Variants in CCDC92B observed in about 807,000 individuals in gnomAD.
The protein encoded by CCDC92B is coiled-coil domain containing 92B.
CCDC92B carries 2 observed loss-of-function variants against 5.6 expected under a neutral mutation model. The ratio of observed to expected loss-of-function variants is 0.36; its 90% CI spans 0.15 to 1.12. The LOEUF (loss-of-function observed/expected upper bound fraction) is 1.12. Among genes scored for constraint, CCDC92B ranks in the 50% most tolerant of loss-of-function variants. The pLI is 0.40. For missense variants in CCDC92B, 271 were observed against 262.2 expected (o/e 1.03, Z -0.23); for synonymous variants, 115 against 122.3 (o/e 0.94, Z 0.39).
intron 1 of CCDC92B, among the ~76,000 whole-genome samples, chr17:2,742,147 T>C (rs1455817556): frequency 6.6e-6 from 1 of 151,458 alleles, no homozygotes; most frequent in Admixed American, 6.6e-5. Context: ...TGATGGCTCA[T>C]TGCAGCCTCC....
chr17:2,731,527 C>T (rs752614352), intron 2 of CCDC92B, among the ~76,000 whole-genome samples: 2 of 152,178 alleles, frequency 1.3e-5, no homozygotes, highest in African/African-American at 2.4e-5. Flanking sequence ...ATCTCTGGGA[C>T]CACCACCCAG....
chr17:2,748,551 A>G, intron 1 of CCDC92B: 2 of 981,670 alleles, frequency 2.0e-6, no homozygotes, highest in East Asian at 2.3e-4. Flanking sequence ...CATGTGCCTG[A>G]ATGCACCTGG....
In CCDC92B at chr17:2,746,557, C is replaced by T. The variant is rs912290570; in HGVS notation, c.-24+2854G>A. Among the ~76,000 whole-genome samples, 8 of 152,156 alleles carry T rather than the reference C, an allele frequency of 5.3e-5. No individual in the cohort carries two copies. In the South Asian group the frequency reaches 1.7e-3, roughly 32 times the overall value. ...GTTGGGACTCTCTGAGGTCCGGGCT[C>T]CTGATCCCTGAAAATGACCTCTCTT... On this transcript the variant is annotated intron_variant, in intron 1 of 3. Coordinates refer to ENST00000614400, the MANE Select transcript of CCDC92B (RefSeq NM_001355573.2).
intron 3 of CCDC92B, among the ~76,000 whole-genome samples, chr17:2,726,096 A>C (rs1235843510): frequency 6.7e-6 from 1 of 149,348 alleles, no homozygotes; most frequent in Non-Finnish European, 1.5e-5. Flanking sequence ...TACGGGTTCA[A>C]GCAGTTCTCG....
intron 3 of CCDC92B, among the ~76,000 whole-genome samples, chr17:2,726,344 A>AT (rs578243138): frequency 0.43 from 61,932 of 144,052 alleles, 14,559 homozygotes; most frequent in Admixed American, 0.55. Context: ...TGCCTGGCTT[A>AT]TTTTTTTTTT....
chr17:2,723,879 A>T lies in CCDC92B; in HGVS notation c.*532T>A, dbSNP rs1398481292. ...TGCTCACCTGCAAGGACCTATCGGC[A>T]GGGTCAGGGTGGGGGTAGAAGGACC... On this transcript the variant is annotated 3_prime_UTR_variant, in exon 4 of 4. Coordinates refer to ENST00000614400, the MANE Select transcript of CCDC92B (RefSeq NM_001355573.2). 1 of 898,360 alleles carries T rather than the reference A, an allele frequency of 1.1e-6. No homozygotes were observed. The highest frequency in any genetic ancestry group is 1.8e-5 in the African/African-American group (1 of 55,310). The allele number at this position is 898,360 out of a possible 1,614,324, so 55.6% of individuals were successfully genotyped here.
Position 2,724,523 on chromosome 17 carries a change from G to C in CCDC92B, c.656C>G (p.Pro219Arg). Residue 219 changes from proline (P) to arginine (R), a missense_variant, in exon 4 of 4, where the codon CCG becomes CGG. By Grantham distance (103) the Pro-to-Arg change is moderately radical. Transcript: ENST00000614400. The surrounding 1 kb of genome is among the most constrained non-coding windows in gnomAD (Gnocchi z 5.0). ...DPALFLYARR[P>R]LRPSARSPRQ... ...CGGGCTGCGGGCGCTGGGCCGCAGC[G>C]GCCTGCGTGCATAGAGGAAGAGCGC... 1 of 982,576 alleles carries C rather than the reference G, an allele frequency of 1.0e-6. No homozygotes were observed. 60.9% of individuals were successfully genotyped at this position (982,576 alleles called of 1,614,324 possible). A position where few individuals can be genotyped will look rare whatever the true frequency, so the allele number is the denominator to read the frequency against.
At chr17:2,733,032 AAATAAAT>A (rs1459317927) in intron 2 of CCDC92B, among the ~76,000 whole-genome samples, 1 of 51,928 alleles carries the variant, frequency 1.9e-5, no homozygotes. Context: ...AAATAAATAA[AAATAAAT>A]AAATAAATAA....
chr17:2,728,313 A>C (rs1242280367), intron 3 of CCDC92B, among the ~76,000 whole-genome samples: 1 of 29,518 alleles, frequency 3.4e-5, no homozygotes, highest in Non-Finnish European at 5.2e-5. Context: ...GTATGTCTCA[A>C]AAAAAAAAAA....
rs55855821 is a variant in CCDC92B, at chr17:2,735,020, G to A, written c.126C>T (p.Cys42=). The A allele has an allele frequency of 2.6e-3, 2,514 of 985,616 alleles. 49 individuals are homozygous for A. The African/African-American group carries it at 0.039, about 15-fold the overall frequency. The allele number at this position is 985,616 out of a possible 1,614,324, so 61.1% of individuals were successfully genotyped here. A position where few individuals can be genotyped will look rare whatever the true frequency, so the allele number is the denominator to read the frequency against. Residue 42 remains cysteine (C), a synonymous_variant, in exon 2 of 4, where the codon TGC becomes TGT. Transcript: ENST00000614400. The part of the protein sequence containing the change: ...HLEILRLQKR[C]SELTHDLEMR... ...AGCCGCCTCTCCTGGCCTCACCTGA[G>A]CAGCGTTTCTGCAGCCTCAGGATCT...
chr17:2,726,736 C>T (rs980603972), intron 3 of CCDC92B, among the ~76,000 whole-genome samples: 1 of 151,908 alleles, frequency 6.6e-6, no homozygotes, highest in Non-Finnish European at 1.5e-5. Context: ...GCCTCAGCCT[C>T]CGGAGTAGCT....
intron 1 of CCDC92B, among the ~76,000 whole-genome samples, chr17:2,745,845 C>T (rs962242215): frequency 1.3e-5 from 2 of 152,140 alleles, no homozygotes; most frequent in Non-Finnish European, 2.9e-5. Flanking sequence ...TGAACACACT[C>T]GGGGAAGAGG....
chr17:2,742,893 T>C (rs1339798818), intron 1 of CCDC92B, among the ~76,000 whole-genome samples: 1 of 152,212 alleles, frequency 6.6e-6, no homozygotes, highest in Non-Finnish European at 1.5e-5. Context: ...AGGCCAAAAC[T>C]TGGGAGTCAT....
intron 3 of CCDC92B, 62 bp from the exon 4 acceptor site, chr17:2,725,062 G>A: frequency 1.0e-6 from 1 of 984,810 alleles, no homozygotes. Context: ...AACCTGCACG[G>A]CTCAGAGCTC....
At position 2,724,356 on chromosome 17, in the gene CCDC92B, G is replaced by A. The variant is rs1198583594; in HGVS notation, c.*55C>T. On this transcript the variant is annotated 3_prime_UTR_variant, in exon 4 of 4. Transcript: ENST00000614400. This position sits in a 1 kb window ranked among gnomAD's most constrained non-coding sequence, Gnocchi z 5.0. The stretch of plus-strand genomic sequence containing the variant: ...GGGACCTGCCTGCGGGGACCGAGCT[G>A]CGTCCCTGGCCGGCCCTCCCCGTCC... 1 of 985,088 alleles carries A rather than the reference G, an allele frequency of 1.0e-6. No individual in the cohort carries two copies. Among genetic ancestry groups the A allele is most frequent in the Non-Finnish European group, 1.2e-6 (1 of 829,886 alleles). The allele number at this position is 985,088 out of a possible 1,614,324, so 61.0% of individuals were successfully genotyped here.
chr17:2,734,147 G>A (rs188943430), intron 2 of CCDC92B, among the ~76,000 whole-genome samples: 45 of 152,078 alleles, frequency 3.0e-4, no homozygotes, highest in African/African-American at 9.2e-4. Flanking sequence ...CCCACCTTTC[G>A]ACCTTTGCCG....
At position 2,724,027 on chromosome 17, in the gene CCDC92B, C is replaced by G. The variant is rs1216487479; in HGVS notation, c.*384G>C. On this transcript the variant is annotated 3_prime_UTR_variant, in exon 4 of 4. Coordinates refer to ENST00000614400, the MANE Select transcript of CCDC92B (RefSeq NM_001355573.2). This position sits in a 1 kb window ranked among gnomAD's most constrained non-coding sequence, Gnocchi z 5.0. ...CTGGGGCGCCAATGCCACTCTGCGTCCCTTTCCGTAGGCGAGCCCAGCCCT... is the reference window on the plus strand; with the variant it reads ...CTGGGGCGCCAATGCCACTCTGCGTGCCTTTCCGTAGGCGAGCCCAGCCCT... 1.0e-6 allele frequency: 1 copy of G among 984,800 alleles called. No individual in the cohort carries two copies. The highest frequency in any genetic ancestry group is 1.7e-5 in the African/African-American group (1 of 57,184). The allele number at this position is 984,800 out of a possible 1,614,324, so 61.0% of individuals were successfully genotyped here.
chr17:2,725,929 C>T (rs2151736631), intron 3 of CCDC92B, among the ~76,000 whole-genome samples: 1 of 150,738 alleles, frequency 6.6e-6, no homozygotes, highest in East Asian at 2.0e-4. Context: ...AAAGAGCTGC[C>T]AGTGTGCACA....
intron 1 of CCDC92B, among the ~76,000 whole-genome samples, chr17:2,737,765 C>T (rs114210535): frequency 0.019 from 2,953 of 151,978 alleles, 156 homozygotes; most frequent in African/African-American, 0.068. Context: ...CGTGAGCCAC[C>T]GCGTCCAGCC....
Sources: allele counts gnomAD v4.1 joint callset (sites outside exome capture counted in the v4.1 genomes callset), GRCh38; gene constraint gnomAD v4.1.1; non-coding constraint Gnocchi (gnomAD v3.1); transcripts MANE v1.5; gene names NCBI Gene and HGNC (gene_info 2026-07-23, HGNC 2026-07-21).